Variants in SLC30A8 observed in about 807,000 individuals in gnomAD.
SLC30A8 encodes solute carrier family 30 member 8.
In SLC30A8, 27 loss-of-function variants were observed where a neutral mutation model predicts 36.9. That is an observed-to-expected ratio of 0.73 (90% confidence interval 0.54 to 1.01). The LOEUF (loss-of-function observed/expected upper bound fraction) is 1.01, where lower values mean the gene tolerates loss of function less well. Ranked by LOEUF, SLC30A8 falls within the 50% of genes least tolerant of loss-of-function variation. The pLI, the probability that SLC30A8 is intolerant of heterozygous loss-of-function variation, is 0.00. For missense variants in SLC30A8, 439 were observed against 452.0 expected (o/e 0.97, Z 0.26); for synonymous variants, 164 against 172.4 (o/e 0.95, Z 0.38).
chr8:117,074,088 C>T (rs912878019), intron 2 of SLC30A8, among the ~76,000 whole-genome samples: 7 of 151,938 alleles, frequency 4.6e-5, no homozygotes, highest in South Asian at 2.1e-4. Context: ...TCAAAATGTA[C>T]CAGAAGGAGA....
intron 6 of SLC30A8, 85 bp downstream of exon 6, chr8:117,163,615 A>C: frequency 1.1e-6 from 1 of 935,588 alleles, no homozygotes; most frequent in Non-Finnish European, 1.6e-6. Context: ...AGGCATGCTC[A>C]CTGTTAATTT....
At chr8:117,032,398 T>TA (rs1817083231) in intron 1 of SLC30A8, among the ~76,000 whole-genome samples, 1 of 152,136 alleles carries the variant, frequency 6.6e-6, no homozygotes, top group Non-Finnish European at 1.5e-5. Flanking sequence ...TAAAAAGGTG[T>TA]AAAAAAGATG....
chr8:116,984,692 T>A (rs1815383213), intron 1 of SLC30A8, among the ~76,000 whole-genome samples: 1 of 152,156 alleles, frequency 6.6e-6, no homozygotes. Context: ...TACAAATGTC[T>A]GCTTTTTAAC....
chr8:117,040,188 T>C (rs1253025291), intron 2 of SLC30A8, among the ~76,000 whole-genome samples: 1 of 152,234 alleles, frequency 6.6e-6, no homozygotes, highest in Non-Finnish European at 1.5e-5. Context: ...GAGGAGCTCT[T>C]AGATATCTTC....
At chr8:117,138,087 G>GAAAAAA (rs374937926) in intron 1 of SLC30A8, among the ~76,000 whole-genome samples, 2 of 126,196 alleles carry the variant, frequency 1.6e-5, no homozygotes, top group Non-Finnish European at 3.4e-5. Flanking sequence ...AAAAGAAAAA[G>GAAAAAA]AAAAAAAAAA....
intron 1 of SLC30A8, among the ~76,000 whole-genome samples, chr8:116,989,369 ATT>A (rs1815553176): frequency 2.0e-5 from 3 of 152,176 alleles, no homozygotes; most frequent in African/African-American, 7.2e-5. Context: ...AATGGGAGGC[ATT>A]TTTAAATTTT....
At chr8:117,045,902 A>G (rs1307010806) in intron 2 of SLC30A8, among the ~76,000 whole-genome samples, 1 of 150,096 alleles carries the variant, frequency 6.7e-6, no homozygotes, top group Non-Finnish European at 1.5e-5. Context: ...TTTTTCAAGG[A>G]GAGCCTGGGC....
chr8:117,174,442 AATAT>A lies in SLC30A8; in HGVS notation c.*1763_*1766del, dbSNP rs1191472975. On this transcript the variant is annotated 3_prime_UTR_variant, in exon 8 of 8. Transcript: ENST00000456015. ...GAGCTTTCCCTGCTCAGTAGAGACAAATATACTCATCCCCCACCTCAGTGAGCTT... is the reference window on the plus strand; with the variant it reads ...GAGCTTTCCCTGCTCAGTAGAGACAAACTCATCCCCCACCTCAGTGAGCTT... 2 of 152,566 alleles carry A rather than the reference AATAT, an allele frequency of 1.3e-5. No homozygotes were observed. Among genetic ancestry groups the A allele is most frequent in the Non-Finnish European group, 2.9e-5 (2 of 68,038 alleles). The allele number at this position is 152,566 out of a possible 1,614,324, so 9.5% of individuals were successfully genotyped here.
intron 2 of SLC30A8, among the ~76,000 whole-genome samples, chr8:117,101,939 A>T (rs1819740280): frequency 6.6e-6 from 1 of 152,090 alleles, no homozygotes; most frequent in African/African-American, 2.4e-5. Flanking sequence ...CCCTTTATAT[A>T]TCCATCTATC....
At chr8:116,955,734 A>T (rs1814172164) in intron 1 of SLC30A8, among the ~76,000 whole-genome samples, 1 of 151,682 alleles carries the variant, frequency 6.6e-6, no homozygotes. Flanking sequence ...AAAAAAAAAA[A>T]ATAAAAAAAA....
chr8:117,120,426 G>A (rs2130899457), intron 2 of SLC30A8, among the ~76,000 whole-genome samples: 1 of 151,994 alleles, frequency 6.6e-6, no homozygotes, highest in South Asian at 2.1e-4. Context: ...GCAAAAGAAT[G>A]AAATTGCACC....
rs115604339 is a variant in SLC30A8, at chr8:117,075,917, G to A, written c.-226+36659G>A. Among the ~76,000 whole-genome samples the A allele has an allele frequency of 3.1e-3, 469 of 152,148 alleles. 1 individual carries two copies. Among genetic ancestry groups the A allele is most frequent in the African/African-American group, 0.01 (435 of 41,516 alleles). ...AGATATCTCATCTTCCAGCCTTTCG[G>A]ACTACTTGTAGTTATTCAGATACAC... On this transcript the variant is annotated intron_variant, in intron 2 of 10. Coordinates refer to the SLC30A8 transcript ENST00000427715.
At chr8:116,952,460 T>C (rs957056854) in intron 1 of SLC30A8, among the ~76,000 whole-genome samples, 1 of 152,096 alleles carries the variant, frequency 6.6e-6, no homozygotes, top group Non-Finnish European at 1.5e-5. Flanking sequence ...TTTTTTTTTT[T>C]CCGAGACAGA....
chr8:116,976,242 C>CT (rs78495363), intron 1 of SLC30A8, among the ~76,000 whole-genome samples: 4,035 of 118,030 alleles, frequency 0.034, 158 homozygotes, highest in African/African-American at 0.099. Flanking sequence ...AGTTCTCTCT[C>CT]TTTTTTTTTT....
chr8:117,149,898 C>T (rs1478633396), intron 2 of SLC30A8, among the ~76,000 whole-genome samples: 1 of 152,136 alleles, frequency 6.6e-6, no homozygotes, highest in Non-Finnish European at 1.5e-5. Context: ...ACAGCCCTCC[C>T]ATCACAGGGC....
chr8:117,135,470 C>T (rs1821319183), intron 1 of SLC30A8, 72 bp downstream of exon 1: 2 of 1,287,178 alleles, frequency 1.6e-6, no homozygotes, highest in East Asian at 2.5e-5. Flanking sequence ...CTTGTTGCTT[C>T]TGAATTGTAG....
At chr8:117,083,530 A>C (rs1818744443) in intron 2 of SLC30A8, among the ~76,000 whole-genome samples, 1 of 152,194 alleles carries the variant, frequency 6.6e-6, no homozygotes, top group Non-Finnish European at 1.5e-5. Context: ...ATACATAGTA[A>C]GTAGTTCAAC....
intron 2 of SLC30A8, among the ~76,000 whole-genome samples, chr8:117,083,276 G>A (rs953816366): frequency 1.3e-5 from 2 of 152,162 alleles, no homozygotes; most frequent in African/African-American, 4.8e-5. Flanking sequence ...CTTCAGGACT[G>A]AGACTCTGAT....
intron 2 of SLC30A8, among the ~76,000 whole-genome samples, chr8:117,121,536 T>G (rs961807287): frequency 6.6e-6 from 1 of 151,890 alleles, no homozygotes; most frequent in South Asian, 2.1e-4. Flanking sequence ...TGTGCCTCTT[T>G]TATAAGGACA....
Sources: allele counts gnomAD v4.1 joint callset (sites outside exome capture counted in the v4.1 genomes callset), GRCh38; gene constraint gnomAD v4.1.1; transcripts MANE v1.5; gene names NCBI Gene and HGNC (gene_info 2026-07-23, HGNC 2026-07-21).